RASAL2: variants seen among roughly 807,000 people sequenced by gnomAD.
The protein encoded by RASAL2 is RAS protein activator like 2.
In RASAL2, 58 loss-of-function variants were observed where a neutral mutation model predicts 128.9. The observed-to-expected ratio is 0.45, with a 90% CI of 0.36 to 0.56. The LOEUF (loss-of-function observed/expected upper bound fraction) is 0.56, where lower values mean the gene tolerates loss of function less well. RASAL2 is among the 20% of genes least tolerant of loss of function. The pLI is 0.00. For synonymous variants in RASAL2, 561 were observed against 580.8 expected (o/e 0.97, Z 0.49); for missense variants, 1,360 against 1,601.6 (o/e 0.85, Z 2.57).
intron 3 of RASAL2, among the ~76,000 whole-genome samples, chr1:178,318,136 G>T (rs1350444210): frequency 1.3e-5 from 2 of 152,172 alleles, no homozygotes. Flanking sequence ...GTTCTAGTTG[G>T]ATTGCACTGT....
chr1:178,322,407 T>G (rs757384889), intron 3 of RASAL2, among the ~76,000 whole-genome samples: 10 of 152,212 alleles, frequency 6.6e-5, no homozygotes, highest in Admixed American at 1.3e-4. Flanking sequence ...CCAGTACCTT[T>G]TAAATCTCTA....
chr1:178,289,980 G>A (rs561740399), intron 2 of RASAL2, among the ~76,000 whole-genome samples: 17 of 152,096 alleles, frequency 1.1e-4, no homozygotes, highest in Non-Finnish European at 2.1e-4. Flanking sequence ...ACTTAGTAAG[G>A]CCAACCCTGA....
chr1:178,393,130 C>A (rs1673009658), intron 4 of RASAL2, among the ~76,000 whole-genome samples: 1 of 152,124 alleles, frequency 6.6e-6, no homozygotes, highest in African/African-American at 2.4e-5. Flanking sequence ...TTTCTGGCAC[C>A]AGGGACCAGT....
intron 1 of RASAL2, among the ~76,000 whole-genome samples, chr1:178,194,112 T>C (rs1320684750): frequency 6.6e-6 from 1 of 152,146 alleles, no homozygotes; most frequent in Non-Finnish European, 1.5e-5. Flanking sequence ...TATAGAAACA[T>C]ACATCATGAG....
intron 7 of RASAL2, among the ~76,000 whole-genome samples, chr1:178,442,030 A>C (rs1186300231): frequency 6.6e-6 from 1 of 151,916 alleles, no homozygotes; most frequent in Non-Finnish European, 1.5e-5. Flanking sequence ...ACTTGGGGGG[A>C]AGGTGCCACA....
intron 3 of RASAL2, among the ~76,000 whole-genome samples, chr1:178,387,675 T>G (rs911380716): frequency 2.6e-5 from 4 of 152,164 alleles, no homozygotes; most frequent in African/African-American, 9.7e-5. Flanking sequence ...GTTTCCAGTT[T>G]CATCCGTGTC....
intron 1 of RASAL2, chr1:178,123,758 A>G (rs1659794641): frequency 6.6e-6 from 1 of 152,330 alleles, no homozygotes; most frequent in South Asian, 2.1e-4. Context: ...TTGCAGCCTC[A>G]ACCTCCTGGG....
chr1:178,339,764 T>A (rs1669773538), intron 3 of RASAL2, among the ~76,000 whole-genome samples: 1 of 152,190 alleles, frequency 6.6e-6, no homozygotes, highest in African/African-American at 2.4e-5. Context: ...TCTTATGTGG[T>A]CCTGGCCCAG....
Position 178,433,770 on chromosome 1 carries a change from G to A in RASAL2, c.675-5652G>A, listed in dbSNP as rs187748133. Among the ~76,000 whole-genome samples, 8 of 152,104 alleles carry A rather than the reference G, an allele frequency of 5.3e-5. No individual in the cohort carries two copies. In the East Asian group the frequency reaches 1.6e-3, roughly 29 times the overall value. On this transcript the variant is annotated intron_variant, in intron 5 of 17. Coordinates refer to ENST00000367649, the MANE Select transcript of RASAL2 (RefSeq NM_170692.4). ...TCTACTAAAAATACAAAAATTAACT[G>A]GGAGTGGTTGGTGGTACACATCTGT... is the stretch of plus-strand genomic sequence containing the variant.
At chr1:178,303,123 T>G (rs1667841360) in intron 3 of RASAL2, among the ~76,000 whole-genome samples, 1 of 152,188 alleles carries the variant, frequency 6.6e-6, no homozygotes, top group Non-Finnish European at 1.5e-5. Context: ...ACATTTGGTG[T>G]GACATTTCCC....
At chr1:178,435,193 T>G (rs1676176603) in intron 5 of RASAL2, among the ~76,000 whole-genome samples, 1 of 152,066 alleles carries the variant, frequency 6.6e-6, no homozygotes, top group African/African-American at 2.4e-5. Context: ...AATAAGCATT[T>G]TTAATTAAAA....
chr1:178,288,370 C>G (rs563154824), intron 2 of RASAL2, among the ~76,000 whole-genome samples: 1 of 152,220 alleles, frequency 6.6e-6, no homozygotes, highest in Admixed American at 6.5e-5. Flanking sequence ...CTTATTACTT[C>G]ACTGAGAAAA....
chr1:178,098,605 T>C (rs1055483966), intron 1 of RASAL2, among the ~76,000 whole-genome samples: 3 of 152,154 alleles, frequency 2.0e-5, no homozygotes, highest in Admixed American at 6.5e-5. Flanking sequence ...TCTGCACTCA[T>C]CAGTATGACA....
At chr1:178,312,409 T>C (rs558145995) in intron 3 of RASAL2, among the ~76,000 whole-genome samples, 1 of 152,292 alleles carries the variant, frequency 6.6e-6, no homozygotes, top group South Asian at 2.1e-4. Flanking sequence ...TGAAGGAAAT[T>C]TTTTTCCAGT....
intron 3 of RASAL2, among the ~76,000 whole-genome samples, chr1:178,328,111 T>C (rs1017712757): frequency 6.6e-6 from 1 of 152,212 alleles, no homozygotes; most frequent in African/African-American, 2.4e-5. Context: ...TTTGTGGTAA[T>C]TTCTTATGGT....
At chr1:178,395,422 A>G (rs1028932346) in intron 4 of RASAL2, among the ~76,000 whole-genome samples, 3 of 152,126 alleles carry the variant, frequency 2.0e-5, no homozygotes, top group African/African-American at 4.8e-5. Context: ...GGCCTTTGTT[A>G]CTCACATACT....
chr1:178,309,592 G>A (rs996752139), intron 3 of RASAL2, among the ~76,000 whole-genome samples: 2 of 152,142 alleles, frequency 1.3e-5, no homozygotes, highest in East Asian at 3.9e-4. Flanking sequence ...GTAATATTCT[G>A]GAAGAATTGG....
intron 3 of RASAL2, among the ~76,000 whole-genome samples, chr1:178,351,734 A>G (rs1670520050): frequency 6.7e-6 from 1 of 148,260 alleles, no homozygotes; most frequent in South Asian, 2.2e-4. Flanking sequence ...ATCTCAAGGA[A>G]AAAAAAAAAA....
chr1:178,297,762 A>T (rs1487726078), intron 2 of RASAL2, among the ~76,000 whole-genome samples: 1 of 152,130 alleles, frequency 6.6e-6, no homozygotes, highest in African/African-American at 2.4e-5. Context: ...AATACTGGGA[A>T]ATAAAGAGTC....
Sources: allele counts gnomAD v4.1 joint callset (sites outside exome capture counted in the v4.1 genomes callset), GRCh38; gene constraint gnomAD v4.1.1; transcripts MANE v1.5; gene names NCBI Gene and HGNC (gene_info 2026-07-23, HGNC 2026-07-21).